The following DOP1B variants were observed in gnomAD, a reference collection of about 807,000 sequenced individuals.
The protein encoded by DOP1B is DOP1 leucine zipper like protein B.
A neutral mutation model predicts 233.5 loss-of-function variants in DOP1B; 174 were observed. That is an observed-to-expected ratio of 0.75 (90% CI 0.66 to 0.85). The LOEUF is 0.85. Among genes scored for constraint, DOP1B ranks in the 40% least tolerant of loss-of-function variants. The probability of loss-of-function intolerance (pLI) is 0.00; values close to 1 mark genes in which losing one functional copy is unlikely to be tolerated. For missense variants in DOP1B, 2,652 were observed against 2,846.6 expected (o/e 0.93, Z 1.56); for synonymous variants, 1,190 against 1,185.6 (o/e 1.00, Z -0.08).
intron 2 of DOP1B, among the ~76,000 whole-genome samples, chr21:36,165,500 A>G (rs940435709): frequency 1.3e-5 from 2 of 152,010 alleles, no homozygotes; most frequent in South Asian, 2.1e-4. Context: ...CTTGTACTCT[A>G]TATCAGGGGT....
chr21:36,246,038 T>G lies in DOP1B; in HGVS notation c.4058T>G (p.Ile1353Ser), dbSNP rs763436515. Reference sequence around the variant, plus strand: ...CAGGTCAAAAGTGTCGAGGTTTTGATCAGGATAATGATGCAGCTGGTCTCA... The same window carrying G: ...CAGGTCAAAAGTGTCGAGGTTTTGAGCAGGATAATGATGCAGCTGGTCTCA... ...DVQVKSVEVL[I>S]RIMMQLVSVA... The change falls in exon 19 of 37, where the codon ATC becomes AGC. Residue 1353 changes from isoleucine (I) to serine (S), a missense_variant. Physicochemically the swap from Ile to Ser is moderately radical, Grantham distance 142 (BLOSUM62 -2). This residue lies in a region of DOP1B where 2,617 missense variants were observed against 2,794.3 expected (regional missense o/e 0.94). Coordinates refer to ENST00000691173, the MANE Select transcript of DOP1B (RefSeq NM_001320714.2). The surrounding 1 kb of genome is among the most constrained non-coding windows in gnomAD (Gnocchi z 5.1). 1 of 1,613,662 alleles carries G rather than the reference T, an allele frequency of 6.2e-7. No individual in the cohort carries two copies. Among genetic ancestry groups the G allele is most frequent in the Non-Finnish European group, 8.5e-7 (1 of 1,179,942 alleles).
chr21:36,193,118 G>T (rs1190932084), intron 2 of DOP1B, among the ~76,000 whole-genome samples: 5 of 152,252 alleles, frequency 3.3e-5, no homozygotes, highest in African/African-American at 4.8e-5. Flanking sequence ...GTAAAGAACA[G>T]TGTTGAAGGG....
At chr21:36,257,452 G>A (rs529701318) in intron 23 of DOP1B, among the ~76,000 whole-genome samples, 1 of 152,314 alleles carries the variant, frequency 6.6e-6, no homozygotes, top group African/African-American at 2.4e-5. Flanking sequence ...TCCAGGGTGT[G>A]GGACAGGACC....
intron 2 of DOP1B, among the ~76,000 whole-genome samples, chr21:36,176,763 C>T (rs1350487507): frequency 6.6e-6 from 1 of 152,150 alleles, no homozygotes; most frequent in African/African-American, 2.4e-5. Flanking sequence ...TCCTGATGCT[C>T]TTGGCACCAG....
intron 24 of DOP1B, chr21:36,261,167 C>A: frequency 1.1e-6 from 1 of 903,578 alleles, no homozygotes; most frequent in African/African-American, 1.8e-5. Flanking sequence ...GAGTTTGAGA[C>A]CAGCCTAGTC....
chr21:36,239,697 T>C (rs2066870440), intron 17 of DOP1B, 68 bp from the exon 18 acceptor site: 1 of 1,463,920 alleles, frequency 6.8e-7, no homozygotes, highest in East Asian at 2.5e-5. Context: ...CTATGCCCAG[T>C]GTCTGCCACG....
At chr21:36,172,482 C>G (rs1387630271) in intron 2 of DOP1B, among the ~76,000 whole-genome samples, 2 of 152,218 alleles carry the variant, frequency 1.3e-5, no homozygotes, top group Non-Finnish European at 2.9e-5. Flanking sequence ...ATTTTCTTCA[C>G]TGGGTGCAGT....
chr21:36,175,299 T>A (rs1032947863), intron 2 of DOP1B, among the ~76,000 whole-genome samples: 2 of 151,720 alleles, frequency 1.3e-5, no homozygotes, highest in African/African-American at 4.8e-5. Flanking sequence ...TTAGTAGAGA[T>A]GTGGTTTCAC....
intron 36 of DOP1B, 24 bp downstream of exon 36, chr21:36,292,257 T>TTTC (rs1555901349): frequency 9.8e-6 from 4 of 406,246 alleles, no homozygotes; most frequent in Non-Finnish European, 1.3e-5. Flanking sequence ...TTTTCTTTTC[T>TTTC]TTTTTTTTTT....
chr21:36,175,618 T>C (rs1210745032), intron 2 of DOP1B: 1 of 151,830 alleles, frequency 6.6e-6, no homozygotes, highest in Non-Finnish European at 1.5e-5. Context: ...CATGGTGAAA[T>C]CCTGTTTCTA....
rs139220126 is a variant in DOP1B at position 36,274,511 on chromosome 21, A to G, written c.5633-2510A>G. On this transcript the variant is annotated intron_variant, in intron 27 of 36. Coordinates refer to ENST00000691173, the MANE Select transcript of DOP1B (RefSeq NM_001320714.2). ...ATGATGGAAAAGAGAAGGACCCAGC[A>G]AAGATGATTAAGCAGTCACTGAGGT... 2.3e-4 allele frequency among the ~76,000 whole-genome samples: 35 copies of G among 152,320 alleles called. No individual in the cohort carries two copies. In the East Asian group the frequency reaches 4.6e-3, roughly 20 times the overall value.
intron 2 of DOP1B, among the ~76,000 whole-genome samples, chr21:36,171,711 A>C (rs987204309): frequency 6.6e-6 from 1 of 152,118 alleles, no homozygotes; most frequent in Non-Finnish European, 1.5e-5. Flanking sequence ...CTCTCTTGAC[A>C]CCTTGATTTC....
At chr21:36,211,771 G>A in intron 6 of DOP1B, 120 bp downstream of exon 6, 2 of 1,312,620 alleles carry the variant, frequency 1.5e-6, no homozygotes, top group South Asian at 1.3e-5. Flanking sequence ...TTTGCTGGTA[G>A]CCAGTGAAAA....
intron 12 of DOP1B, among the ~76,000 whole-genome samples, chr21:36,225,999 C>T (rs2066678393): frequency 6.6e-6 from 1 of 152,076 alleles, no homozygotes. Context: ...GTGCTGTTGG[C>T]TAATTTTCTC....
At chr21:36,181,833 A>AGGCACTGAT (rs11269603) in intron 2 of DOP1B, among the ~76,000 whole-genome samples, 1 of 151,926 alleles carries the variant, frequency 6.6e-6, no homozygotes, top group Non-Finnish European at 1.5e-5. Context: ...CTCACCTTCC[A>AGGCACTGAT]TTTAATGGAA....
intron 24 of DOP1B, chr21:36,261,461 G>A (rs142867725): frequency 1.0e-5 from 10 of 985,350 alleles, no homozygotes; most frequent in African/African-American, 7.0e-5. Flanking sequence ...GCTTTGATTT[G>A]CTAAGTTAAT....
chr21:36,287,103 A>T (rs1488246750), intron 32 of DOP1B, among the ~76,000 whole-genome samples: 2 of 152,222 alleles, frequency 1.3e-5, no homozygotes, highest in East Asian at 3.8e-4. Flanking sequence ...GAAGAAAAAA[A>T]AAGTCTCATT....
Position 36,199,069 on chromosome 21 carries a change from G to C in DOP1B, c.139-1G>C. ...TGTGTTTTTTTTGTCTTGTTTGACA[G>C]GCTCTTCAGAGTAACCTGAGGTACT... On this transcript the variant is annotated splice_acceptor_variant, in intron 2 of 36. Transcript: ENST00000691173. LOFTEE classifies it high-confidence loss of function. 1.2e-6 allele frequency: 2 copies of C among 1,605,148 alleles called. No individual in the cohort carries two copies. The highest frequency in any genetic ancestry group is 2.7e-5 in the African/African-American group (2 of 74,368).
At chr21:36,249,329 G>A (rs965837433) in intron 21 of DOP1B, among the ~76,000 whole-genome samples, 5 of 152,146 alleles carry the variant, frequency 3.3e-5, no homozygotes, top group African/African-American at 2.4e-5. Flanking sequence ...TCAGGAGGCC[G>A]AGGCAAGAGG....
Sources: allele counts gnomAD v4.1 joint callset (sites outside exome capture counted in the v4.1 genomes callset), GRCh38; gene constraint gnomAD v4.1.1; regional missense constraint gnomAD v4.1.1; non-coding constraint Gnocchi (gnomAD v3.1); transcripts MANE v1.5; gene names NCBI Gene and HGNC (gene_info 2026-07-23, HGNC 2026-07-21).